The following MAGI1 variants were observed in gnomAD, a reference collection of about 807,000 sequenced individuals.
The protein encoded by MAGI1 is membrane associated guanylate kinase, WW and PDZ domain containing 1, also known as membrane-associated guanylate kinase, WW and PDZ domain-containing protein 1.
MAGI1 carries 58 observed loss-of-function variants against 139.9 expected under a neutral mutation model. The observed-to-expected ratio is 0.41, with a 90% CI of 0.34 to 0.52. The LOEUF is 0.52. Among genes scored for constraint, MAGI1 ranks in the 20% least tolerant of loss-of-function variants. The pLI is 0.12. For synonymous variants in MAGI1, 812 were observed against 737.9 expected (o/e 1.10, Z -1.63); for missense variants, 1,874 against 1,901.6 (o/e 0.99, Z 0.27).
chr3:65,648,319 G>GCA (rs2085392047), intron 1 of MAGI1, among the ~76,000 whole-genome samples: 2 of 147,478 alleles, frequency 1.4e-5, no homozygotes, highest in African/African-American at 5.1e-5. Flanking sequence ...GTGTGTGTGC[G>GCA]CGTGCGCGTG....
At chr3:65,722,721 A>G (rs2033177837) in intron 1 of MAGI1, among the ~76,000 whole-genome samples, 1 of 150,064 alleles carries the variant, frequency 6.7e-6, no homozygotes, top group Admixed American at 6.6e-5. Flanking sequence ...TCTAAATCAT[A>G]AAATATTAGT....
intron 2 of MAGI1, among the ~76,000 whole-genome samples, chr3:65,524,876 GA>G: frequency 6.6e-6 from 1 of 152,246 alleles, no homozygotes. Flanking sequence ...CATGTAATAG[GA>G]AAACTGGCAA....
intron 17 of MAGI1, 50 bp from the exon 18 acceptor site, chr3:65,375,995 C>A (rs1428832855): frequency 2.9e-6 from 4 of 1,392,510 alleles, no homozygotes; most frequent in Non-Finnish European, 4.0e-6. Flanking sequence ...GGGAATATAG[C>A]AAAGGGAAGA....
intron 1 of MAGI1, among the ~76,000 whole-genome samples, chr3:65,876,900 C>G (rs914835698): frequency 1.3e-5 from 2 of 151,902 alleles, no homozygotes; most frequent in African/African-American, 4.8e-5. Context: ...CCTGCCACCA[C>G]GCCCAGCTAA....
chr3:65,386,610 C>T (rs1462298103), intron 14 of MAGI1, among the ~76,000 whole-genome samples: 1 of 152,170 alleles, frequency 6.6e-6, no homozygotes, highest in Non-Finnish European at 1.5e-5. Context: ...AACTACTTCC[C>T]CCAAAATGGT....
intron 12 of MAGI1, among the ~76,000 whole-genome samples, chr3:65,411,632 C>T (rs1017364379): frequency 6.6e-6 from 1 of 152,194 alleles, no homozygotes; most frequent in Non-Finnish European, 1.5e-5. Flanking sequence ...AAACCTATCA[C>T]TGTAATTGGT....
chr3:65,442,717 A>C, intron 8 of MAGI1, 75 bp downstream of exon 8: 1 of 1,050,218 alleles, frequency 9.5e-7, no homozygotes, highest in Non-Finnish European at 1.4e-6. Flanking sequence ...TAATGATGTC[A>C]GGCTGTACTT....
intron 4 of MAGI1, among the ~76,000 whole-genome samples, chr3:65,472,593 A>G (rs757636357): frequency 3.3e-5 from 5 of 152,154 alleles, no homozygotes; most frequent in Non-Finnish European, 7.3e-5. Context: ...TTCCAGAATC[A>G]CCAGGACCTC....
At chr3:65,970,637 C>T (rs927479230) in intron 1 of MAGI1, among the ~76,000 whole-genome samples, 3 of 151,990 alleles carry the variant, frequency 2.0e-5, no homozygotes, top group African/African-American at 7.3e-5. Context: ...AACCTGAACC[C>T]AACCCCACAC....
At chr3:65,986,749 G>C (rs892863182) in intron 1 of MAGI1, among the ~76,000 whole-genome samples, 2 of 152,134 alleles carry the variant, frequency 1.3e-5, no homozygotes, top group African/African-American at 4.8e-5. Context: ...TTTATGTTTA[G>C]CTTGTGATAG....
chr3:65,530,838 T>TAC lies in MAGI1; in HGVS notation c.431-37209_431-37208dup, dbSNP rs1350712440. Among the ~76,000 whole-genome samples the TAC allele has an allele frequency of 5.4e-4, 51 of 94,646 alleles. 6 individuals carry two copies. Among genetic ancestry groups the TAC allele is most frequent in the South Asian group, 1.7e-3 (5 of 3,022 alleles). The allele number at this position is 94,646 out of a possible 152,430, so 62.1% of individuals were successfully genotyped here. A position where few individuals can be genotyped will look rare whatever the true frequency, so the allele number is the denominator to read the frequency against. ...ATATATACACGTATATATATATATA[T>TAC]ACACACACACACACACATATATATA... On this transcript the variant is annotated intron_variant, in intron 2 of 22. Coordinates refer to ENST00000402939, the MANE Select transcript of MAGI1 (RefSeq NM_001033057.2).
Position 65,470,433 on chromosome 3 carries a change from G to A in MAGI1, c.809C>T (p.Pro270Leu), listed in dbSNP as rs1195465711. 5 of 1,613,712 alleles carry A rather than the reference G, an allele frequency of 3.1e-6. No individual in the cohort carries two copies. In the African/African-American group the frequency reaches 6.7e-5, roughly 22 times the overall value. The change falls in exon 5 of 23, where the codon CCT (proline) becomes CTT (leucine). Residue 270 changes from proline to leucine, a missense_variant. Around this residue, in one of 5 missense-constraint regions of MAGI1, gnomAD observed 648 missense variants for 598.1 expected, o/e 1.08. Transcript: ENST00000402939. ...AGCAGCGATGATGCTACTATTCACA[G>A]GTGGTAATGCTGTTTCTTGGAGAGT... The part of the protein sequence containing the change: ...EHTLQETALP[P>L]VNSSIIAAPI...
intron 1 of MAGI1, among the ~76,000 whole-genome samples, chr3:65,655,089 G>A (rs1199623052): frequency 6.6e-6 from 1 of 152,170 alleles, no homozygotes; most frequent in East Asian, 1.9e-4. Context: ...GTCTTTATAA[G>A]CTCCCTTTAT....
intron 12 of MAGI1, among the ~76,000 whole-genome samples, chr3:65,411,333 G>A (rs1945778870): frequency 6.6e-6 from 1 of 152,132 alleles, no homozygotes; most frequent in Non-Finnish European, 1.5e-5. Context: ...AATTTGAATT[G>A]CTTTTTATGC....
chr3:65,749,584 C>T (rs1052007685), intron 1 of MAGI1, among the ~76,000 whole-genome samples: 3 of 151,916 alleles, frequency 2.0e-5, no homozygotes, highest in Non-Finnish European at 4.4e-5. Context: ...ATACTGCTTG[C>T]ATGATGGGTG....
intron 1 of MAGI1, among the ~76,000 whole-genome samples, chr3:65,876,031 A>ATGCTGTGAGGGTTTTTCAGTTC (rs1210225627): frequency 6.6e-6 from 1 of 151,784 alleles, no homozygotes; most frequent in Admixed American, 6.6e-5. Flanking sequence ...AGGTTTAGCT[A>ATGCTGTGAGGGTTTTTCAGTTC]TGCTGTGAGG....
chr3:65,441,791 T>A (rs1948352333), intron 8 of MAGI1, among the ~76,000 whole-genome samples: 1 of 152,164 alleles, frequency 6.6e-6, no homozygotes, highest in South Asian at 2.1e-4. Context: ...AGGTAAAAGT[T>A]AGTACTGGCC....
chr3:65,887,405 A>G (rs1430714854), intron 1 of MAGI1, among the ~76,000 whole-genome samples: 16 of 125,686 alleles, frequency 1.3e-4, no homozygotes, highest in African/African-American at 2.1e-4. Flanking sequence ...AAAAAAAAAA[A>G]GGGCAGGGGC....
At chr3:65,699,054 A>C (rs2089416436) in intron 1 of MAGI1, among the ~76,000 whole-genome samples, 2 of 122,938 alleles carry the variant, frequency 1.6e-5, no homozygotes, top group South Asian at 2.8e-4. Context: ...ACCCCATCAA[A>C]AAGTGGGCGA....
Sources: gnomAD v4.1 joint callset for allele counts (sites outside exome capture counted in the v4.1 genomes callset) on GRCh38, gnomAD v4.1.1 for gene constraint, gnomAD v4.1.1 regional missense constraint, MANE v1.5 for transcripts, NCBI Gene and HGNC (gene_info 2026-07-23, HGNC 2026-07-21) for gene names.